Variants in NALF1 observed in about 807,000 individuals in gnomAD.
The protein encoded by NALF1 is family with sequence similarity 155 member A.
A neutral mutation model predicts 48.4 loss-of-function variants in NALF1; 3 were observed. That is an observed-to-expected ratio of 0.06 (90% CI 0.03 to 0.16). The LOEUF (loss-of-function observed/expected upper bound fraction) is 0.16, where lower values mean the gene tolerates loss of function less well. Ranked by LOEUF, NALF1 falls within the 10% of genes least tolerant of loss-of-function variation. The probability of loss-of-function intolerance (pLI) is 1.00; values close to 1 mark genes in which losing one functional copy is unlikely to be tolerated. For synonymous variants in NALF1, 262 were observed against 245.7 expected (o/e 1.07, Z -0.62); for missense variants, 526 against 571.5 (o/e 0.92, Z 0.81).
Position 107,362,293 on chromosome 13 carries a change from T to C in NALF1, c.916-151538A>G, listed in dbSNP as rs980261364. Among the ~76,000 whole-genome samples, 1 of 152,162 alleles carries C rather than the reference T, an allele frequency of 6.6e-6. No individual in the cohort carries two copies. The highest frequency in any genetic ancestry group is 2.4e-5 in the African/African-American group (1 of 41,446). On this transcript the variant is annotated intron_variant, in intron 1 of 2. Transcript: ENST00000375915. The surrounding 1 kb of genome is among the most constrained non-coding windows in gnomAD (Gnocchi z 4.6). ...TTTTCTAGGGCGTGCTGTAACAAACTATGATCAACTGAGTAGCTGAAAACA... is the reference window on the plus strand; with the variant it reads ...TTTTCTAGGGCGTGCTGTAACAAACCATGATCAACTGAGTAGCTGAAAACA...
chr13:107,838,623 G>A (rs544507326), intron 1 of NALF1, among the ~76,000 whole-genome samples: 17 of 152,064 alleles, frequency 1.1e-4, no homozygotes, highest in African/African-American at 3.9e-4. Context: ...CAGAAACAAT[G>A]GTGATAGCAA....
At chr13:107,452,542 C>T (rs1458477827) in intron 1 of NALF1, among the ~76,000 whole-genome samples, 1 of 152,132 alleles carries the variant, frequency 6.6e-6, no homozygotes, top group Non-Finnish European at 1.5e-5. Flanking sequence ...TAAATTACCT[C>T]CACCTGGTCT....
chr13:107,582,868 C>T (rs17433049), intron 1 of NALF1, among the ~76,000 whole-genome samples: 2,777 of 152,190 alleles, frequency 0.018, 35 homozygotes, highest in Middle Eastern at 0.061. Context: ...AATGAGTCTA[C>T]GCGTGCACAT....
intron 1 of NALF1, among the ~76,000 whole-genome samples, chr13:107,727,225 T>A (rs902353478): frequency 3.3e-5 from 5 of 152,132 alleles, no homozygotes; most frequent in African/African-American, 1.2e-4. Context: ...AAAAATGTGA[T>A]AATACACATA....
chr13:107,334,822 A>G (rs1882527049), intron 1 of NALF1, among the ~76,000 whole-genome samples: 1 of 152,186 alleles, frequency 6.6e-6, no homozygotes, highest in Admixed American at 6.5e-5. Context: ...ACAGTGAAGG[A>G]TTGCTCTCTA....
chr13:107,758,665 G>T (rs1471015097), intron 1 of NALF1, among the ~76,000 whole-genome samples: 2 of 152,070 alleles, frequency 1.3e-5, no homozygotes, highest in East Asian at 1.9e-4. Flanking sequence ...AGCTGGTAGT[G>T]AGCCGAGATA....
At chr13:107,644,421 TAA>T (rs796795415) in intron 1 of NALF1, among the ~76,000 whole-genome samples, 6 of 139,708 alleles carry the variant, frequency 4.3e-5, no homozygotes, top group Non-Finnish European at 4.7e-5. Flanking sequence ...AAACTCAGGT[TAA>T]AAAAAAAAAA....
At chr13:107,580,469 C>T (rs986164072) in intron 1 of NALF1, among the ~76,000 whole-genome samples, 4 of 152,274 alleles carry the variant, frequency 2.6e-5, no homozygotes, top group African/African-American at 9.6e-5. Flanking sequence ...GGCACCTCTC[C>T]CACAGGTCTG....
At chr13:107,198,588 C>A (rs1024567256) in intron 2 of NALF1, among the ~76,000 whole-genome samples, 5 of 152,178 alleles carry the variant, frequency 3.3e-5, no homozygotes, top group African/African-American at 4.8e-5. Context: ...TTTGCTTGAA[C>A]AAATAACATT....
intron 1 of NALF1, among the ~76,000 whole-genome samples, chr13:107,435,799 AG>A (rs147744522): frequency 1.0e-4 from 15 of 143,542 alleles, no homozygotes; most frequent in Admixed American, 5.7e-4. Flanking sequence ...GCGGCGGGGG[AG>A]GGGGGGAAGA....
chr13:107,676,771 T>A lies in NALF1; in HGVS notation c.915+188911A>T, dbSNP rs528771590. ...ATTTGAATGCATACATACATATTTT[T>A]TTAAAGCTGGTATAAAATAGTACTT... On this transcript the variant is annotated intron_variant, in intron 1 of 2. Coordinates refer to ENST00000375915, the MANE Select transcript of NALF1 (RefSeq NM_001080396.3). Among the ~76,000 whole-genome samples, 19 of 152,324 alleles carry A rather than the reference T, an allele frequency of 1.2e-4. 2 individuals carry two copies. In the South Asian group the frequency reaches 2.7e-3, roughly 22 times the overall value.
At chr13:107,367,698 C>A (rs982455817) in intron 1 of NALF1, among the ~76,000 whole-genome samples, 4 of 152,078 alleles carry the variant, frequency 2.6e-5, no homozygotes, top group East Asian at 1.9e-4. Flanking sequence ...GCCCCTTGTG[C>A]AAAATAATAC....
rs142219370 is a variant in NALF1, at chr13:107,865,666, C to T, written c.915+16G>A. On this transcript the variant is annotated intron_variant, in intron 1 of 2. Coordinates refer to ENST00000375915, the MANE Select transcript of NALF1 (RefSeq NM_001080396.3). ...AGGAAAGTGCAGGAAAGGGGGAAAC[C>T]CCCGAGGGTTCCTACCTTACAGTCT... 1.1e-3 allele frequency: 1,761 copies of T among 1,607,518 alleles called. 43 individuals are homozygous for T. In the East Asian group the frequency reaches 0.037, roughly 33 times the overall value.
At chr13:107,297,346 C>A (rs1416236302) in intron 1 of NALF1, among the ~76,000 whole-genome samples, 3 of 152,102 alleles carry the variant, frequency 2.0e-5, no homozygotes, top group African/African-American at 7.2e-5. Context: ...GTATTTTTCT[C>A]AATTTACCAG....
chr13:107,855,282 G>C (rs1163821556), intron 1 of NALF1, among the ~76,000 whole-genome samples: 1 of 152,144 alleles, frequency 6.6e-6, no homozygotes, highest in African/African-American at 2.4e-5. Flanking sequence ...TCCAACCCCC[G>C]GCCCGTGGGC....
chr13:107,710,892 G>GACACACATATATATTAATATAT (rs1875569327), intron 1 of NALF1, among the ~76,000 whole-genome samples: 2 of 149,700 alleles, frequency 1.3e-5, no homozygotes, highest in African/African-American at 4.9e-5. Flanking sequence ...TATACACACA[G>GACACACATATATATTAATATAT]ACACACATAT....
At chr13:107,184,983 CAT>C (rs1483408592) in intron 2 of NALF1, among the ~76,000 whole-genome samples, 3 of 152,218 alleles carry the variant, frequency 2.0e-5, no homozygotes, top group African/African-American at 7.2e-5. Flanking sequence ...TCCAGTAAGA[CAT>C]ATGTCCTAAT....
At chr13:107,851,988 T>TG (rs1016477821) in intron 1 of NALF1, among the ~76,000 whole-genome samples, 9 of 150,900 alleles carry the variant, frequency 6.0e-5, no homozygotes, top group African/African-American at 1.5e-4. Context: ...TTTTTTAATT[T>TG]GGGGGGTGTC....
At chr13:107,384,288 CA>C (rs548835359) in intron 1 of NALF1, among the ~76,000 whole-genome samples, 8 of 151,116 alleles carry the variant, frequency 5.3e-5, no homozygotes, top group Non-Finnish European at 8.9e-5. Context: ...CAAAAACAAA[CA>C]AAAAAAACCC....
Sources: allele counts gnomAD v4.1 joint callset (sites outside exome capture counted in the v4.1 genomes callset), GRCh38; gene constraint gnomAD v4.1.1; non-coding constraint Gnocchi (gnomAD v3.1); transcripts MANE v1.5; gene names NCBI Gene and HGNC (gene_info 2026-07-23, HGNC 2026-07-21).